The following TACC1 variants were observed in gnomAD, a reference collection of about 807,000 sequenced individuals.
The protein encoded by TACC1 is transforming acidic coiled-coil containing protein 1.
Under a neutral mutation model 84.4 loss-of-function variants are expected in TACC1, and 48 were observed. That is an observed-to-expected ratio of 0.57 (90% confidence interval 0.45 to 0.72). TACC1 has a LOEUF of 0.72. Among genes scored for constraint, TACC1 ranks in the 30% least tolerant of loss-of-function variants. The pLI is 0.00. For synonymous variants in TACC1, 372 were observed against 376.3 expected (o/e 0.99, Z 0.13); for missense variants, 920 against 973.0 (o/e 0.95, Z 0.72).
Position 38,851,916 on chromosome 8 carries a change from T to A in TACC1, c.*3893T>A. On this transcript the variant is annotated 3_prime_UTR_variant, in exon 13 of 13. Transcript: ENST00000317827. ...TTAATAAAGAAGTATTTCGAGGAGA[T>A]ATCTGTCCAAAAAGGTTTGACTGGC... The A allele has an allele frequency of 2.2e-6, 1 of 453,044 alleles. No homozygotes were observed. The highest frequency in any genetic ancestry group is 1.6e-5 in the South Asian group (1 of 64,476). 28.1% of individuals were successfully genotyped at this position (453,044 alleles called of 1,614,324 possible). A position where few individuals can be genotyped will look rare whatever the true frequency, so the allele number is the denominator to read the frequency against.
At chr8:38,757,672 C>T (rs1233953550) in intron 3 of TACC1, among the ~76,000 whole-genome samples, 1 of 152,036 alleles carries the variant, frequency 6.6e-6, no homozygotes, top group Non-Finnish European at 1.5e-5. Flanking sequence ...ACACGCTGTA[C>T]TGGGGAGACA....
chr8:38,757,243 C>CAA, intron 3 of TACC1: 2 of 616,450 alleles, frequency 3.2e-6, no homozygotes, highest in Non-Finnish European at 4.4e-6. Flanking sequence ...CACCCTTCCT[C>CAA]CCGCCCCACC....
intron 3 of TACC1, among the ~76,000 whole-genome samples, chr8:38,822,567 C>T (rs1034283685): frequency 1.3e-5 from 2 of 152,158 alleles, no homozygotes; most frequent in African/African-American, 2.4e-5. Context: ...GTTTAGCTTA[C>T]TGTAACTTTT....
chr8:38,787,143 C>T (rs912069475), upstream of TACC1: 46 of 964,318 alleles, frequency 4.8e-5, 2 homozygotes, highest in East Asian at 1.5e-3. Context: ...CCGCCGCCCC[C>T]GCGCGCGCGC....
intron 3 of TACC1, among the ~76,000 whole-genome samples, chr8:38,773,134 T>G (rs1003352250): frequency 3.3e-5 from 5 of 151,952 alleles, no homozygotes; most frequent in Non-Finnish European, 5.9e-5. Context: ...GAGACCAGCC[T>G]GACCAACATG....
Position 38,849,585 on chromosome 8 carries a change from C to T in TACC1, c.*1562C>T, listed in dbSNP as rs949947471. 1.3e-5 allele frequency: 2 copies of T among 152,226 alleles called. No individual in the cohort carries two copies. The highest frequency in any genetic ancestry group is 4.8e-5 in the African/African-American group (2 of 41,454). The allele number at this position is 152,226 out of a possible 1,614,324, so 9.4% of individuals were successfully genotyped here. On this transcript the variant is annotated 3_prime_UTR_variant, in exon 13 of 13. Transcript: ENST00000317827. Reference sequence around the variant, plus strand: ...TGCCTAGTGGAGAACCTCTATAGATCTTAAAAAATGAATTATTCTTTAGCA... The same window carrying T: ...TGCCTAGTGGAGAACCTCTATAGATTTTAAAAAATGAATTATTCTTTAGCA...
rs1380180244 is a variant in TACC1, at chr8:38,836,148, C to T, written c.1714-14C>T. On this transcript the variant is annotated splice_polypyrimidine_tract_variant and intron_variant, in intron 6 of 12. Transcript: ENST00000317827. ...TGAAAGCTGACAGATTCAGTGTAAT[C>T]CCTTTCCCCACAGGGGCTGCTGGAG... 4 of 1,612,512 alleles carry T rather than the reference C, an allele frequency of 2.5e-6. No homozygotes were observed. In the Admixed American group the frequency reaches 5.0e-5, roughly 20 times the overall value.
chr8:38,843,560 A>G, intron 11 of TACC1, 165 bp downstream of exon 11: 1 of 431,388 alleles, frequency 2.3e-6, no homozygotes, highest in Non-Finnish European at 4.1e-6. Flanking sequence ...AAGTAAAAAA[A>G]GGTATATCTG....
At chr8:38,749,393 G>A (rs1013209242) in intron 3 of TACC1, among the ~76,000 whole-genome samples, 1 of 152,116 alleles carries the variant, frequency 6.6e-6, no homozygotes, top group Non-Finnish European at 1.5e-5. Context: ...TAAAGGAGGA[G>A]GCATGATTTT....
upstream of TACC1, among the ~76,000 whole-genome samples, chr8:38,783,074 C>CTA (rs1816361820): frequency 7.6e-5 from 6 of 78,612 alleles, no homozygotes; most frequent in African/African-American, 3.3e-4. Context: ...AAATATCTAT[C>CTA]TATCTATCTA....
At chr8:38,777,100 A>G (rs1210674197) in intron 3 of TACC1, among the ~76,000 whole-genome samples, 3 of 152,074 alleles carry the variant, frequency 2.0e-5, no homozygotes, top group Non-Finnish European at 2.9e-5. Context: ...TACTAAAAAT[A>G]CAAAAATCAG....
At chr8:38,788,473 C>A in intron 1 of TACC1, 1 of 441,816 alleles carries the variant, frequency 2.3e-6, no homozygotes. Context: ...TGGAGAAAAG[C>A]TCCAGGGAAT....
chr8:38,754,110 C>A (rs1276575152), intron 3 of TACC1, among the ~76,000 whole-genome samples: 1 of 151,970 alleles, frequency 6.6e-6, no homozygotes, highest in African/African-American at 2.4e-5. Context: ...CGCACCACCA[C>A]ACTTGGCTAA....
chr8:38,815,488 C>T (rs575461981), intron 2 of TACC1, among the ~76,000 whole-genome samples: 100 of 152,148 alleles, frequency 6.6e-4, no homozygotes, highest in Non-Finnish European at 1.2e-3. Flanking sequence ...GGTGCGATCT[C>T]GGCTCACTGC....
In TACC1 at chr8:38,852,011, A is replaced by C. The variant is rs1166167516; in HGVS notation, c.*3988A>C. 2.2e-6 allele frequency: 1 copy of C among 455,734 alleles called. No individual in the cohort carries two copies. Among genetic ancestry groups the C allele is most frequent in the East Asian group, 6.9e-5 (1 of 14,400 alleles). 28.2% of individuals were successfully genotyped at this position (455,734 alleles called of 1,614,324 possible). A position where few individuals can be genotyped will look rare whatever the true frequency, so the allele number is the denominator to read the frequency against. ...CTTGAGTCTCCATAGAGTAACAGTA[A>C]AGAAACTGATGTAACAGACTCTCCT... On this transcript the variant is annotated 3_prime_UTR_variant, in exon 13 of 13. Transcript: ENST00000317827.
At chr8:38,818,450 A>G (rs927638741) in intron 2 of TACC1, among the ~76,000 whole-genome samples, 1 of 152,148 alleles carries the variant, frequency 6.6e-6, no homozygotes, top group Non-Finnish European at 1.5e-5. Flanking sequence ...CCTCATTCAC[A>G]CCTTCCTAAT....
At chr8:38,732,186 GGGAAAGGAAA>G (rs10670002) in intron 1 of TACC1, among the ~76,000 whole-genome samples, 3 of 127,084 alleles carry the variant, frequency 2.4e-5, no homozygotes, top group African/African-American at 3.3e-5. Flanking sequence ...GGAAGGAAGA[GGGAAAGGAAA>G]GGAAAGGAAA....
chr8:38,761,474 G>C (rs1484751019), intron 3 of TACC1, among the ~76,000 whole-genome samples: 1 of 152,214 alleles, frequency 6.6e-6, no homozygotes, highest in Admixed American at 6.5e-5. Context: ...GATCAATTAG[G>C]TGCTGGCTAT....
At chr8:38,746,067 T>A (rs1808032361) in intron 3 of TACC1, among the ~76,000 whole-genome samples, 1 of 152,214 alleles carries the variant, frequency 6.6e-6, no homozygotes, top group Non-Finnish European at 1.5e-5. Flanking sequence ...TCCTTCCACC[T>A]TGGCCTCCCA....
Sources: gnomAD v4.1 joint callset for allele counts (sites outside exome capture counted in the v4.1 genomes callset) on GRCh38, gnomAD v4.1.1 for gene constraint, MANE v1.5 for transcripts, NCBI Gene and HGNC (gene_info 2026-07-23, HGNC 2026-07-21) for gene names.